The following RPL14 variants were observed in gnomAD, a reference collection of about 807,000 sequenced individuals.
RPL14 encodes the protein large ribosomal subunit protein eL14.
Under a neutral mutation model 25.3 loss-of-function variants are expected in RPL14, and 4 were observed. The observed-to-expected ratio is 0.16, with a 90% CI of 0.08 to 0.36. The LOEUF is 0.36. RPL14 is among the 10% of genes least tolerant of loss of function. The pLI is 1.00. For missense variants in RPL14, 212 were observed against 261.9 expected (o/e 0.81, Z 1.31); for synonymous variants, 75 against 89.8 (o/e 0.84, Z 0.93).
chr3:40,458,930 C>T (rs1234951070), intron 3 of RPL14, 194 bp downstream of exon 3: 6 of 532,166 alleles, frequency 1.1e-5, no homozygotes, highest in South Asian at 1.1e-4. Flanking sequence ...AATCCCAGTA[C>T]TTTGGGAGGC....
chr3:40,467,202 A>T lies in RPL14; in HGVS notation c.*4970A>T, dbSNP rs539478846. The T allele has an allele frequency of 7.9e-5, 12 of 152,226 alleles. No individual in the cohort carries two copies. In the South Asian group the frequency reaches 2.5e-3, roughly 32 times the overall value. The allele number at this position is 152,226 out of a possible 1,614,324, so 9.4% of individuals were successfully genotyped here. A position where few individuals can be genotyped will look rare whatever the true frequency, so the allele number is the denominator to read the frequency against. ...CCTTTTTTCTTAATACGTTCTGGAG[A>T]TCTTATCTAGTCAGCCTCTAAATTA... On this transcript the variant is annotated 3_prime_UTR_variant, in exon 6 of 6. Coordinates refer to ENST00000396203, the MANE Select transcript of RPL14 (RefSeq NM_001034996.3).
In RPL14 at chr3:40,458,466, C is replaced by G. The variant is rs552573315; in HGVS notation, c.106-176C>G. On this transcript the variant is annotated intron_variant, in intron 2 of 5. Transcript: ENST00000396203. ...GATGTGGAGAAATGTTTGTGTTGAG[C>G]AAAAGACATACATATATATAACCCA... 8.7e-5 allele frequency: 52 copies of G among 598,206 alleles called. No homozygotes were observed. In the Middle Eastern group the frequency reaches 3.6e-3, roughly 41 times the overall value. 37.1% of individuals were successfully genotyped at this position (598,206 alleles called of 1,614,324 possible).
chr3:40,461,838 G>A (rs962686065), intron 5 of RPL14, 101 bp from the exon 6 acceptor site: 6 of 1,354,642 alleles, frequency 4.4e-6, no homozygotes, highest in African/African-American at 2.9e-5. Flanking sequence ...AGATGTAGTT[G>A]TAGGGAAACA....
At chr3:40,458,319 A>T in intron 2 of RPL14, 1 of 514,236 alleles carries the variant, frequency 1.9e-6, no homozygotes, top group Non-Finnish European at 3.5e-6. Context: ...ATTTGAAACA[A>T]GCAAACTAAG....
chr3:40,464,601 G>GT lies in RPL14; in HGVS notation c.*2375dup. 2.3e-6 allele frequency: 1 copy of GT among 441,830 alleles called. No homozygotes were observed. The allele number at this position is 441,830 out of a possible 1,614,324, so 27.4% of individuals were successfully genotyped here. The stretch of plus-strand genomic sequence containing the variant: ...AGGGGAACACGGGAAGCTACTGAGG[G>GT]TTTTTTAAAATGGCGTGATATCTCA... On this transcript the variant is annotated 3_prime_UTR_variant, in exon 6 of 6. Transcript: ENST00000396203.
At chr3:40,459,909 T>C (rs1696909956) in intron 3 of RPL14, among the ~76,000 whole-genome samples, 1 of 146,648 alleles carries the variant, frequency 6.8e-6, no homozygotes, top group South Asian at 2.2e-4. Context: ...CTACAGGCAC[T>C]GTGGGACGTG....
At chr3:40,458,884 A>C in intron 3 of RPL14, 148 bp downstream of exon 3, 1 of 671,438 alleles carries the variant, frequency 1.5e-6, no homozygotes, top group East Asian at 2.8e-5. Context: ...ATTTACTTTT[A>C]AAATGTCTTG....
At chr3:40,461,110 G>A (rs767594791) in intron 3 of RPL14, among the ~76,000 whole-genome samples, 1 of 152,120 alleles carries the variant, frequency 6.6e-6, no homozygotes, top group Middle Eastern at 3.4e-3. Context: ...GCAGGAGGAT[G>A]GCTTGAGCCT....
At chr3:40,460,539 G>A (rs889987701) in intron 3 of RPL14, among the ~76,000 whole-genome samples, 6 of 150,266 alleles carry the variant, frequency 4.0e-5, no homozygotes, top group Non-Finnish European at 4.4e-5. Flanking sequence ...AAAAAAAAAA[G>A]AATGGTTTTC....
At position 40,464,841 on chromosome 3, in the gene RPL14, A is replaced by G; in HGVS notation, c.*2609A>G. 1 of 207,648 alleles carries G rather than the reference A, an allele frequency of 4.8e-6. No individual in the cohort carries two copies. Among genetic ancestry groups the G allele is most frequent in the Non-Finnish European group, 1.0e-5 (1 of 99,032 alleles). The allele number at this position is 207,648 out of a possible 1,614,324, so 12.9% of individuals were successfully genotyped here. A position where few individuals can be genotyped will look rare whatever the true frequency, so the allele number is the denominator to read the frequency against. On this transcript the variant is annotated 3_prime_UTR_variant, in exon 6 of 6. Transcript: ENST00000396203. Reference sequence around the variant, plus strand: ...TCTGGTTCATTGGTTGTGAGGGAACATGAGGCAGGGTAAAGTTTATCTAGG... The same window carrying G: ...TCTGGTTCATTGGTTGTGAGGGAACGTGAGGCAGGGTAAAGTTTATCTAGG...
At position 40,462,242 on chromosome 3, in the gene RPL14, A is replaced by G; in HGVS notation, c.*10A>G. On this transcript the variant is annotated 3_prime_UTR_variant, in exon 6 of 6. Transcript: ENST00000396203. ...TGGCAAGAAAGCATAAGTGGCAATC[A>G]TAAAAAGTAATAAAGGTTCTTTTTG... 2 of 1,573,764 alleles carry G rather than the reference A, an allele frequency of 1.3e-6. No homozygotes were observed. Among genetic ancestry groups the G allele is most frequent in the Non-Finnish European group, 1.7e-6 (2 of 1,165,764 alleles).
At chr3:40,461,874 C>T (rs76198785) in intron 5 of RPL14, 65 bp from the exon 6 acceptor site, 6 of 1,517,490 alleles carry the variant, frequency 4.0e-6, no homozygotes, top group Non-Finnish European at 5.3e-6. Flanking sequence ...TTTCTAAAAC[C>T]AGCATAAATT....
chr3:40,462,101 G>C lies in RPL14; in HGVS notation c.517G>C (p.Ala173Pro). The change falls in exon 6 of 6, where the codon GCT becomes CCT. Residue 173 changes from alanine to proline, a missense_variant. Coordinates refer to ENST00000396203, the MANE Select transcript of RPL14 (RefSeq NM_001034996.3). ...AAAGATCACCGCCGCGAGTAAAAAG[G>C]CTCCAGCCCAGAAGGTTCCTGCCCA... ...AKKITAASKK[A>P]PAQKVPAQKA... 6.2e-7 allele frequency: 1 copy of C among 1,611,198 alleles called. No homozygotes were observed.
At chr3:40,461,559 A>G (rs1453019064) in intron 4 of RPL14, 49 bp from the exon 5 acceptor site, 7 of 1,607,344 alleles carry the variant, frequency 4.4e-6, no homozygotes, top group Non-Finnish European at 6.0e-6. Context: ...TGGAGGGTTC[A>G]AGATAGTGTG....
intron 2 of RPL14, chr3:40,458,228 G>T: frequency 1.7e-6 from 1 of 575,620 alleles, no homozygotes; most frequent in Non-Finnish European, 3.1e-6. Flanking sequence ...ACGTTGGTTA[G>T]TTTTAAATGA....
In RPL14 at chr3:40,465,623, G is replaced by A. The variant is rs1697017714; in HGVS notation, c.*3391G>A. 1 of 151,374 alleles carries A rather than the reference G, an allele frequency of 6.6e-6. No individual in the cohort carries two copies. The highest frequency in any genetic ancestry group is 2.1e-4 in the South Asian group (1 of 4,784). 9.4% of individuals were successfully genotyped at this position (151,374 alleles called of 1,614,324 possible). On this transcript the variant is annotated 3_prime_UTR_variant, in exon 6 of 6. Transcript: ENST00000396203. ...AGGGATGAGGCAGTGTAGATTTGCA[G>A]ACATACAGGTTGTAATTCCTTATGG...
rs1696989892 is a variant in RPL14 at position 40,463,951 on chromosome 3, A to C, written c.*1719A>C. The C allele has an allele frequency of 2.0e-5, 3 of 153,292 alleles. No individual in the cohort carries two copies. In the South Asian group the frequency reaches 6.0e-4, roughly 30 times the overall value. The allele number at this position is 153,292 out of a possible 1,614,324, so 9.5% of individuals were successfully genotyped here. A position where few individuals can be genotyped will look rare whatever the true frequency, so the allele number is the denominator to read the frequency against. ...CTGGATAGATTTAAAAATACTACAA[A>C]GCTGTACATGAAACAGGATTACTTT... On this transcript the variant is annotated 3_prime_UTR_variant, in exon 6 of 6. Transcript: ENST00000396203.
At position 40,466,106 on chromosome 3, in the gene RPL14, GC is replaced by G. The variant is rs1330532279; in HGVS notation, c.*3875del. The stretch of plus-strand genomic sequence containing the variant: ...CTTGGGAGGCTGAGGCGGGAGAATC[GC>G]TTGAACCCAGGAGGTGGAGGTTGCA... On this transcript the variant is annotated 3_prime_UTR_variant, in exon 6 of 6. Coordinates refer to ENST00000396203, the MANE Select transcript of RPL14 (RefSeq NM_001034996.3). The G allele has an allele frequency of 2.7e-5, 4 of 150,568 alleles. No individual in the cohort carries two copies. Among genetic ancestry groups the G allele is most frequent in the Non-Finnish European group, 5.9e-5 (4 of 67,726 alleles). 9.3% of individuals were successfully genotyped at this position (150,568 alleles called of 1,614,324 possible).
rs541691592 is a variant in RPL14, at chr3:40,464,615, C to T, written c.*2383C>T. On this transcript the variant is annotated 3_prime_UTR_variant, in exon 6 of 6. Coordinates refer to ENST00000396203, the MANE Select transcript of RPL14 (RefSeq NM_001034996.3). ...AGCTACTGAGGGTTTTTTAAAATGG[C>T]GTGATATCTCAGATTTAGATCATTG... is the stretch of plus-strand genomic sequence containing the variant. 8.6e-5 allele frequency: 37 copies of T among 432,726 alleles called. No homozygotes were observed. Among genetic ancestry groups the T allele is most frequent in the Middle Eastern group, 3.4e-4 (1 of 2,904 alleles). The allele number at this position is 432,726 out of a possible 1,614,324, so 26.8% of individuals were successfully genotyped here. A position where few individuals can be genotyped will look rare whatever the true frequency, so the allele number is the denominator to read the frequency against.
Sources: gnomAD v4.1 joint callset for allele counts (sites outside exome capture counted in the v4.1 genomes callset) on GRCh38, gnomAD v4.1.1 for gene constraint, MANE v1.5 for transcripts, NCBI Gene and HGNC (gene_info 2026-07-23, HGNC 2026-07-21) for gene names.